The following COQ6 variants were observed in gnomAD, a reference collection of about 807,000 sequenced individuals.
COQ6 encodes ubiquinone biosynthesis monooxygenase COQ6, mitochondrial.
In COQ6, 45 loss-of-function variants were observed where a neutral mutation model predicts 55.5. That is an observed-to-expected ratio of 0.81 (90% CI 0.64 to 1.04). COQ6 has a LOEUF of 1.04. COQ6 is among the 50% of genes least tolerant of loss of function. COQ6 has a pLI of 0.00. For missense variants in COQ6, 550 were observed against 601.3 expected, an observed-to-expected ratio of 0.91 and a Z score of 0.89; for synonymous variants, 206 against 230.5, an observed-to-expected ratio of 0.89 and a Z score of 0.96.
Position 73,950,428 on chromosome 14 carries a change from A to G in COQ6, c.96A>G (p.Thr32=). 6.2e-7 allele frequency: 1 copy of G among 1,606,628 alleles called. No homozygotes were observed. Among genetic ancestry groups the G allele is most frequent in the South Asian group, 1.1e-5 (1 of 89,510 alleles). ...GGCGCAGGTGGTCCGGCGCCTCAAC[A>G]GACACCGTGTATGACGTGGTGGTGT... ...VSWRRWSGAS[T]DTVYDVVVSG... Residue 32 remains threonine, a synonymous_variant, in exon 1 of 12, where the codon ACA becomes ACG. Coordinates refer to ENST00000334571, the MANE Select transcript of COQ6 (RefSeq NM_182476.3).
intron 4 of COQ6, chr14:73,956,276 C>T (rs930318364): frequency 2.4e-5 from 7 of 293,858 alleles, no homozygotes; most frequent in Admixed American, 4.2e-5. Context: ...TGCAGTGAGC[C>T]GAGATCACGC....
chr14:73,957,938 G>A (rs1202166583), intron 4 of COQ6: 3 of 540,462 alleles, frequency 5.6e-6, no homozygotes, highest in Non-Finnish European at 1.0e-5. Flanking sequence ...AGTTCACTGA[G>A]AACTTCAATG....
chr14:73,960,466 G>T (rs2056664673), intron 8 of COQ6: 53 of 992,660 alleles, frequency 5.3e-5, no homozygotes, highest in Non-Finnish European at 6.2e-5. Flanking sequence ...CTGCTCTGTA[G>T]TAGCAACAAG....
At chr14:73,951,751 T>C (rs2056202961) in intron 1 of COQ6, among the ~76,000 whole-genome samples, 1 of 150,930 alleles carries the variant, frequency 6.6e-6, no homozygotes, top group Non-Finnish European at 1.5e-5. Flanking sequence ...AGCCAAAAGA[T>C]TGGACACCCT....
At chr14:73,954,948 T>A (rs1259128546) in intron 2 of COQ6, among the ~76,000 whole-genome samples, 23 of 134,698 alleles carry the variant, frequency 1.7e-4, no homozygotes, top group African/African-American at 6.4e-4. Flanking sequence ...TTTTTTTTTT[T>A]ATTTTATTTT....
rs753743121 is a variant in COQ6 at position 73,955,488 on chromosome 14, C to A, written c.336C>A (p.Tyr112Ter). ...GGGACCATATCTGCAACATGAGATA[C>A]AGAGCCTTTCGGCGAATGCAGGTGC... ...GAWDHICNMRYRAFRRMQVWD... is the reference protein window; with the variant it reads ...GAWDHICNMR Residue 112 changes from tyrosine to a stop codon, truncating the protein, a stop_gained, in exon 3 of 12, where the codon TAC becomes TAA. Coordinates refer to ENST00000334571, the MANE Select transcript of COQ6 (RefSeq NM_182476.3). LOFTEE classifies it high-confidence loss of function. 6.2e-7 allele frequency: 1 copy of A among 1,614,124 alleles called. No individual in the cohort carries two copies. Among genetic ancestry groups the A allele is most frequent in the Non-Finnish European group, 8.5e-7 (1 of 1,179,970 alleles).
At chr14:73,950,158 T>C, upstream of COQ6, 1 of 1,588,668 alleles carries the variant, frequency 6.3e-7, no homozygotes, top group Non-Finnish European at 8.5e-7. Flanking sequence ...CAGCCTCCGA[T>C]CCATCCCGCC....
chr14:73,957,065 C>G (rs986282357), intron 4 of COQ6, among the ~76,000 whole-genome samples: 14 of 151,600 alleles, frequency 9.2e-5, no homozygotes, highest in Non-Finnish European at 2.1e-4. Context: ...TCTTTGTTGT[C>G]CAGACTTCTA....
chr14:73,950,219 A>G (rs780637204), upstream of COQ6: 3 of 1,540,632 alleles, frequency 1.9e-6, no homozygotes, highest in South Asian at 3.5e-5. Flanking sequence ...CGCGCATTTT[A>G]TTTCCGGTTC....
At chr14:73,952,288 A>G (rs911044072) in intron 1 of COQ6, among the ~76,000 whole-genome samples, 2 of 151,230 alleles carry the variant, frequency 1.3e-5, no homozygotes, top group Middle Eastern at 3.2e-3. Context: ...ACACCTGGCT[A>G]ATTTTTGTGT....
chr14:73,963,121 T>G lies in COQ6; in HGVS notation c.*122T>G. On this transcript the variant is annotated 3_prime_UTR_variant, in exon 12 of 12. Coordinates refer to ENST00000334571, the MANE Select transcript of COQ6 (RefSeq NM_182476.3). ...CTTACTTTACATTAAAATTCTCTTT[T>G]TCTTCTTTGCTTAATGGGCCTGTGG... 1 of 911,570 alleles carries G rather than the reference T, an allele frequency of 1.1e-6. No individual in the cohort carries two copies. The highest frequency in any genetic ancestry group is 3.1e-4 in the Middle Eastern group (1 of 3,244). 56.5% of individuals were successfully genotyped at this position (911,570 alleles called of 1,614,324 possible).
intron 2 of COQ6, 32 bp downstream of exon 2, chr14:73,953,601 T>A (rs778251454): frequency 1.9e-6 from 3 of 1,613,746 alleles, no homozygotes; most frequent in Admixed American, 3.3e-5. Flanking sequence ...AAAGATCCAA[T>A]CTCCTTTCCC....
intron 1 of COQ6, among the ~76,000 whole-genome samples, chr14:73,951,375 CT>C (rs149145286): frequency 3.6e-4 from 54 of 150,036 alleles, no homozygotes; most frequent in South Asian, 1.3e-3. Context: ...AGTCTTTTCA[CT>C]TTTTTTTTTT....
At chr14:73,959,385 G>A in intron 7 of COQ6, 30 bp from the exon 8 acceptor site, 1 of 1,614,166 alleles carries the variant, frequency 6.2e-7, no homozygotes, top group Non-Finnish European at 8.5e-7. Context: ...CAGAGTCTTA[G>A]CCGTTGGTAT....
chr14:73,956,156 C>T, intron 4 of COQ6: 1 of 451,762 alleles, frequency 2.2e-6, no homozygotes, highest in Admixed American at 3.3e-5. Context: ...AACCCTGTCT[C>T]TACTAAAAAT....
chr14:73,954,215 G>C (rs955747884), intron 2 of COQ6, among the ~76,000 whole-genome samples: 1 of 152,180 alleles, frequency 6.6e-6, no homozygotes, highest in Non-Finnish European at 1.5e-5. Flanking sequence ...TTTGTCCATT[G>C]GTTTCCCACT....
chr14:73,959,322 C>T (rs2056595213), intron 7 of COQ6, 93 bp from the exon 8 acceptor site: 2 of 1,614,112 alleles, frequency 1.2e-6, no homozygotes, highest in Non-Finnish European at 1.7e-6. Flanking sequence ...TCTGCCCAGG[C>T]TGTTTGTAAG....
chr14:73,958,447 A>G, intron 5 of COQ6, 170 bp downstream of exon 5: 1 of 1,482,544 alleles, frequency 6.7e-7, no homozygotes, highest in South Asian at 1.2e-5. Flanking sequence ...CTCATCGTAA[A>G]TCCTGTACAG....
At chr14:73,961,410 C>G in intron 9 of COQ6, 35 bp downstream of exon 9, 1 of 1,614,172 alleles carries the variant, frequency 6.2e-7, no homozygotes, top group South Asian at 1.1e-5. Flanking sequence ...ACTCCCTTCT[C>G]ACTTTGCTGC....
Sources: gnomAD v4.1 joint callset for allele counts (sites outside exome capture counted in the v4.1 genomes callset) on GRCh38, gnomAD v4.1.1 for gene constraint, MANE v1.5 for transcripts, NCBI Gene and HGNC (gene_info 2026-07-23, HGNC 2026-07-21) for gene names.